Variants in DLG2 observed in about 807,000 individuals in gnomAD.
DLG2 encodes disks large homolog 2.
In DLG2, 45 loss-of-function variants were observed where a neutral mutation model predicts 132.5. That is an observed-to-expected ratio of 0.34 (90% CI 0.27 to 0.44). DLG2 has a LOEUF of 0.44. Ranked by LOEUF, DLG2 falls within the 20% of genes least tolerant of loss-of-function variation. DLG2 has a pLI of 1.00. For missense variants in DLG2, 1,045 were observed against 1,196.9 expected, an observed-to-expected ratio of 0.87 and a Z score of 1.87; for synonymous variants, 424 against 419.6, an observed-to-expected ratio of 1.01 and a Z score of -0.13.
intron 15 of DLG2, among the ~76,000 whole-genome samples, chr11:83,923,361 G>C (rs955126343): frequency 5.9e-5 from 9 of 152,224 alleles, no homozygotes; most frequent in African/African-American, 1.9e-4. Context: ...ACTTTCTAAT[G>C]AGGGAATTGA....
At position 83,510,277 on chromosome 11, in the gene DLG2, T is replaced by A. The variant is rs78686185; in HGVS notation, c.2193+22431A>T. Among the ~76,000 whole-genome samples, 1,047 of 151,222 alleles carry A rather than the reference T, an allele frequency of 6.9e-3. 18 individuals are homozygous for A. The highest frequency in any genetic ancestry group is 0.025 in the African/African-American group (1,014 of 41,342). On this transcript the variant is annotated intron_variant, in intron 21 of 27. Transcript: ENST00000376104. ...GTATTCAGCTTTACCCCCTTGGATG[T>A]TGACTCAGTTTCAGGAGCTGACAGT...
intron 5 of DLG2, among the ~76,000 whole-genome samples, chr11:85,144,320 T>C (rs1486731519): frequency 1.3e-5 from 2 of 150,780 alleles, no homozygotes; most frequent in Non-Finnish European, 3.0e-5. Context: ...ATAGGTGAAG[T>C]GAGTTTTGTA....
chr11:83,666,974 T>C (rs867090508), intron 18 of DLG2, among the ~76,000 whole-genome samples: 71 of 152,224 alleles, frequency 4.7e-4, no homozygotes, highest in African/African-American at 1.7e-3. Context: ...TGTGATCTTC[T>C]TCCAAACCCA....
intron 3 of DLG2, among the ~76,000 whole-genome samples, chr11:85,525,174 C>T (rs1311377419): frequency 6.6e-6 from 1 of 152,060 alleles, no homozygotes; most frequent in African/African-American, 2.4e-5. Context: ...AATTTAAAAT[C>T]CTTTGATTAT....
At chr11:85,267,388 G>T (rs146329429) in intron 4 of DLG2, among the ~76,000 whole-genome samples, 1 of 152,156 alleles carries the variant, frequency 6.6e-6, no homozygotes, top group Non-Finnish European at 1.5e-5. Flanking sequence ...TTGGCAGCCC[G>T]AACTGACTTA....
chr11:84,867,943 C>G lies in DLG2; in HGVS notation c.357+243718G>C, dbSNP rs543239866. Among the ~76,000 whole-genome samples the G allele has an allele frequency of 1.3e-3, 195 of 151,890 alleles. 1 individual carries two copies. The highest frequency in any genetic ancestry group is 4.3e-3 in the African/African-American group (179 of 41,476). Reference sequence around the variant, plus strand: ...CAAAAAATTAGCCAGGCGTGGTAGCCGGCGCCTGCAGTCCCAGCTACTCGG... The same window carrying G: ...CAAAAAATTAGCCAGGCGTGGTAGCGGGCGCCTGCAGTCCCAGCTACTCGG... On this transcript the variant is annotated intron_variant, in intron 6 of 27. Transcript: ENST00000376104.
At chr11:85,174,050 TAGAC>T (rs2079053966) in intron 4 of DLG2, among the ~76,000 whole-genome samples, 1 of 152,178 alleles carries the variant, frequency 6.6e-6, no homozygotes, top group African/African-American at 2.4e-5. Flanking sequence ...CTGTCAATGT[TAGAC>T]AGATCACCAA....
chr11:84,772,941 A>G (rs1378560266), intron 6 of DLG2, among the ~76,000 whole-genome samples: 2 of 152,118 alleles, frequency 1.3e-5, no homozygotes, highest in Non-Finnish European at 2.9e-5. Context: ...AAATAACTAA[A>G]GATCAGAAGT....
chr11:85,221,016 A>C (rs2074602542), intron 4 of DLG2, among the ~76,000 whole-genome samples: 1 of 151,758 alleles, frequency 6.6e-6, no homozygotes, highest in Admixed American at 6.6e-5. Flanking sequence ...TTTGATAGAA[A>C]ATGGCCTACT....
chr11:84,425,051 A>G lies in DLG2; in HGVS notation c.519+109519T>C, dbSNP rs2098962009. Reference sequence around the variant, plus strand: ...TTCCAATCTATACCTAAACTTCCCTAGGATAGGGACCATAGCTGGATCATT... The same window carrying G: ...TTCCAATCTATACCTAAACTTCCCTGGGATAGGGACCATAGCTGGATCATT... On this transcript the variant is annotated intron_variant, in intron 7 of 27. Coordinates refer to ENST00000376104, the MANE Select transcript of DLG2 (RefSeq NM_001142699.3). Among the ~76,000 whole-genome samples, 2 of 152,112 alleles carry G rather than the reference A, an allele frequency of 1.3e-5. 1 individual carries two copies. The highest frequency in any genetic ancestry group is 4.1e-4 in the South Asian group (2 of 4,828).
At chr11:85,492,068 T>G (rs1468440541) in intron 3 of DLG2, among the ~76,000 whole-genome samples, 15 of 152,074 alleles carry the variant, frequency 9.9e-5, no homozygotes, top group Admixed American at 9.8e-4. Context: ...TAAGAATAGT[T>G]AACAATGTAA....
At chr11:84,534,794 G>T (rs1404443721) in intron 6 of DLG2, 63 bp from the exon 7 acceptor site, 1 of 1,554,540 alleles carries the variant, frequency 6.4e-7, no homozygotes, top group East Asian at 2.2e-5. Flanking sequence ...GATATAGACT[G>T]AACTTCATAT....
chr11:83,897,655 C>T (rs1206703339), intron 15 of DLG2, among the ~76,000 whole-genome samples: 2 of 152,066 alleles, frequency 1.3e-5, no homozygotes, highest in Non-Finnish European at 2.9e-5. Context: ...TTGATTTATT[C>T]CACAAATATT....
intron 3 of DLG2, among the ~76,000 whole-genome samples, chr11:85,459,890 C>T (rs2092549318): frequency 6.6e-6 from 1 of 152,188 alleles, no homozygotes. Flanking sequence ...AGGTCCAGGA[C>T]TCATGTGTAG....
At chr11:83,485,804 C>G (rs2093463988) in intron 21 of DLG2, among the ~76,000 whole-genome samples, 1 of 152,022 alleles carries the variant, frequency 6.6e-6, no homozygotes, top group Non-Finnish European at 1.5e-5. Context: ...TTTTGGTAAC[C>G]ATGTTCATTT....
In DLG2 at chr11:84,327,753, G is replaced by A. The variant is rs13328849; in HGVS notation, c.520-76462C>T. Among the ~76,000 whole-genome samples the A allele has an allele frequency of 2.6e-3, 400 of 152,106 alleles. 3 individuals carry two copies. The highest frequency in any genetic ancestry group is 9.0e-3 in the African/African-American group (375 of 41,480). ...TTATGTTTTTGATTTTACAAATTAC[G>A]TCTTTTTATATTATGTGTCCATTAA... On this transcript the variant is annotated intron_variant, in intron 7 of 27. Transcript: ENST00000376104.
chr11:83,916,218 C>T (rs1344151018), intron 15 of DLG2, among the ~76,000 whole-genome samples: 1 of 152,066 alleles, frequency 6.6e-6, no homozygotes, highest in East Asian at 1.9e-4. Context: ...CATTTGTATA[C>T]AAGCTTTGTA....
chr11:83,835,275 C>G (rs1307850509), intron 16 of DLG2, among the ~76,000 whole-genome samples: 1 of 151,924 alleles, frequency 6.6e-6, no homozygotes, highest in African/African-American at 2.4e-5. Flanking sequence ...TGAAGGTAGA[C>G]CACTAATAAA....
At chr11:84,021,830 C>A (rs2095405238) in intron 11 of DLG2, among the ~76,000 whole-genome samples, 1 of 151,864 alleles carries the variant, frequency 6.6e-6, no homozygotes, top group Non-Finnish European at 1.5e-5. Context: ...TCACCTCAAC[C>A]TCCGCCTACC....
Sources: allele counts gnomAD v4.1 joint callset (sites outside exome capture counted in the v4.1 genomes callset), GRCh38; gene constraint gnomAD v4.1.1; transcripts MANE v1.5; gene names NCBI Gene and HGNC (gene_info 2026-07-23, HGNC 2026-07-21).